The following DACH1 variants were observed in gnomAD, a reference collection of about 807,000 sequenced individuals.
DACH1 encodes the protein dachshund homolog 1.
DACH1 carries 12 observed loss-of-function variants against 54.2 expected under a neutral mutation model. The observed-to-expected ratio is 0.22, with a 90% CI of 0.14 to 0.36. The LOEUF is 0.36. Among genes scored for constraint, DACH1 ranks in the 10% least tolerant of loss-of-function variants. The probability of loss-of-function intolerance (pLI) is 1.00; values close to 1 mark genes in which losing one functional copy is unlikely to be tolerated. For synonymous variants in DACH1, 386 were observed against 366.2 expected (o/e 1.05, Z -0.62); for missense variants, 805 against 929.8 (o/e 0.87, Z 1.75).
At chr13:71,699,521 T>C (rs1445176721) in intron 1 of DACH1, among the ~76,000 whole-genome samples, 1 of 152,208 alleles carries the variant, frequency 6.6e-6, no homozygotes, top group Non-Finnish European at 1.5e-5. Context: ...AAAAGCACTA[T>C]ACTCTTTTAT....
intron 1 of DACH1, among the ~76,000 whole-genome samples, chr13:71,709,999 C>A (rs537107146): frequency 9.9e-5 from 15 of 152,222 alleles, no homozygotes; most frequent in Non-Finnish European, 2.1e-4. Context: ...AAGTTTGCAC[C>A]ACCATGCCTG....
chr13:71,475,931 T>C, intron 8 of DACH1, 82 bp from the exon 9 acceptor site: 2 of 1,070,684 alleles, frequency 1.9e-6, no homozygotes, highest in South Asian at 2.9e-5. Context: ...CTATATTTTT[T>C]ATATTATTCA....
intron 1 of DACH1, among the ~76,000 whole-genome samples, chr13:71,812,994 C>T (rs1887776985): frequency 6.6e-6 from 1 of 152,118 alleles, no homozygotes; most frequent in African/African-American, 2.4e-5. Context: ...CCATCACTGC[C>T]TAAGTCATTC....
At chr13:71,843,595 C>T (rs1007562272) in intron 1 of DACH1, among the ~76,000 whole-genome samples, 1 of 152,148 alleles carries the variant, frequency 6.6e-6, no homozygotes, top group South Asian at 2.1e-4. Flanking sequence ...AGTACTGATG[C>T]TTCTAGGATT....
chr13:71,860,002 C>T lies in DACH1; in HGVS notation c.848+5920G>A, dbSNP rs181760183. On this transcript the variant is annotated intron_variant, in intron 1 of 10. Coordinates refer to ENST00000613252, the MANE Select transcript of DACH1 (RefSeq NM_080759.6). ...GTGCAGATCAGAGCCTTTGCTGTTA[C>T]ACTTATCTGAGCTCCATTAGGTGGG... Among the ~76,000 whole-genome samples, 26 of 151,954 alleles carry T rather than the reference C, an allele frequency of 1.7e-4. 1 individual carries two copies. In the East Asian group the frequency reaches 5.0e-3, roughly 29 times the overall value.
intron 6 of DACH1, among the ~76,000 whole-genome samples, chr13:71,535,184 T>G (rs1882684931): frequency 6.6e-6 from 1 of 151,886 alleles, no homozygotes; most frequent in Admixed American, 6.6e-5. Context: ...AACACTGTAT[T>G]ATACAATTTA....
Position 71,591,875 on chromosome 13 carries a change from C to T in DACH1, c.1127-18863G>A, listed in dbSNP as rs566147546. ...AACAAGATTAAAAAGTTACTCTTAA[C>T]GTTTCTTACACAAAGCCATTGTATC... On this transcript the variant is annotated intron_variant, in intron 3 of 10. Coordinates refer to ENST00000613252, the MANE Select transcript of DACH1 (RefSeq NM_080759.6). Among the ~76,000 whole-genome samples the T allele has an allele frequency of 1.1e-3, 173 of 152,134 alleles. 1 individual carries two copies. Among genetic ancestry groups the T allele is most frequent in the Non-Finnish European group, 2.0e-3 (133 of 67,994 alleles).
chr13:71,596,948 G>T (rs547403186), intron 3 of DACH1, among the ~76,000 whole-genome samples: 59 of 152,250 alleles, frequency 3.9e-4, no homozygotes, highest in Admixed American at 1.6e-3. Context: ...GATGACTCAG[G>T]TGGCCAATAT....
intron 1 of DACH1, among the ~76,000 whole-genome samples, chr13:71,778,551 TA>T (rs150263828): frequency 6.6e-6 from 1 of 151,954 alleles, no homozygotes; most frequent in Non-Finnish European, 1.5e-5. Flanking sequence ...AAAAATCTAG[TA>T]AAAAAATCTT....
intron 3 of DACH1, among the ~76,000 whole-genome samples, chr13:71,597,111 G>T (rs1005628342): frequency 4.6e-5 from 7 of 152,074 alleles, no homozygotes; most frequent in Non-Finnish European, 8.8e-5. Context: ...TCTAAGAATT[G>T]GTATAATAAG....
chr13:71,440,642 C>A lies in DACH1; in HGVS notation c.*13G>T. The A allele has an allele frequency of 6.3e-7, 1 of 1,592,248 alleles. No homozygotes were observed. The highest frequency in any genetic ancestry group is 1.2e-5 in the South Asian group (1 of 86,232). ...TTCTTTTCTATAACATGGATTTCTT[C>A]AACAGGAAAGATTCAGTACATGACA... On this transcript the variant is annotated 3_prime_UTR_variant, in exon 11 of 11. Transcript: ENST00000613252.
intron 6 of DACH1, among the ~76,000 whole-genome samples, chr13:71,556,587 T>C (rs1033705472): frequency 6.6e-6 from 1 of 152,168 alleles, no homozygotes. Context: ...TAGTAGTACA[T>C]TGACATATAA....
At chr13:71,612,369 T>C (rs558489938) in intron 3 of DACH1, among the ~76,000 whole-genome samples, 1 of 152,244 alleles carries the variant, frequency 6.6e-6, no homozygotes, top group Admixed American at 6.5e-5. Context: ...ACCAAATTAA[T>C]ACAGTAAGAC....
intron 1 of DACH1, among the ~76,000 whole-genome samples, chr13:71,686,928 A>G (rs1196701766): frequency 1.3e-5 from 2 of 152,238 alleles, no homozygotes; most frequent in African/African-American, 2.4e-5. Flanking sequence ...TAGGGTTTCA[A>G]TAATAAAGAC....
chr13:71,534,868 G>T (rs904267348), intron 6 of DACH1, among the ~76,000 whole-genome samples: 3 of 151,690 alleles, frequency 2.0e-5, no homozygotes, highest in Admixed American at 6.6e-5. Flanking sequence ...GTAAAACTGT[G>T]CACTTAATTT....
At chr13:71,858,037 T>C (rs1400516610) in intron 1 of DACH1, among the ~76,000 whole-genome samples, 6 of 151,694 alleles carry the variant, frequency 4.0e-5, no homozygotes, top group Admixed American at 6.6e-5. Flanking sequence ...GATAAGTGAA[T>C]GTAATACACT....
intron 2 of DACH1, among the ~76,000 whole-genome samples, chr13:71,657,698 C>A (rs977966378): frequency 6.6e-6 from 1 of 151,970 alleles, no homozygotes; most frequent in Admixed American, 6.6e-5. Context: ...TGTACCAAAT[C>A]TCAAAATGAT....
At chr13:71,462,420 A>G (rs1931481) in intron 10 of DACH1, among the ~76,000 whole-genome samples, 140,758 of 151,776 alleles carry the variant, frequency 0.93, 66,117 homozygotes, top group Non-Finnish European at 1. Context: ...AATTCACACC[A>G]TGTCATGAAT....
chr13:71,642,477 A>G (rs1431922173), intron 2 of DACH1, among the ~76,000 whole-genome samples: 1 of 152,228 alleles, frequency 6.6e-6, no homozygotes, highest in Non-Finnish European at 1.5e-5. Flanking sequence ...CAATTAGGTA[A>G]TTCCAATACA....
Sources: gnomAD v4.1 joint callset for allele counts (sites outside exome capture counted in the v4.1 genomes callset) on GRCh38, gnomAD v4.1.1 for gene constraint, MANE v1.5 for transcripts, NCBI Gene and HGNC (gene_info 2026-07-23, HGNC 2026-07-21) for gene names.